OCRL: variants seen among roughly 807,000 people sequenced by gnomAD.
OCRL encodes inositol polyphosphate 5-phosphatase OCRL.
OCRL carries 8 observed loss-of-function variants against 78.9 expected under a neutral mutation model. That is an observed-to-expected ratio of 0.10 (90% confidence interval 0.06 to 0.18). The LOEUF (loss-of-function observed/expected upper bound fraction) is 0.18. Among genes scored for constraint, OCRL ranks in the 10% least tolerant of loss-of-function variants. The pLI is 1.00. For synonymous variants in OCRL, 240 were observed against 235.4 expected (o/e 1.02, Z -0.18); for missense variants, 454 against 696.7 (o/e 0.65, Z 3.92).
At chrX:129,555,454 A>G (rs1290525308) in intron 4 of OCRL, among the ~76,000 whole-genome samples, 2 of 111,925 alleles carry the variant, frequency 1.8e-5, no homozygotes, top group African/African-American at 6.5e-5. Context: ...AGCCTGGGCA[A>G]CAGAGCAAGA....
intron 15 of OCRL, among the ~76,000 whole-genome samples, chrX:129,572,633 G>A (rs1285854447): frequency 8.9e-6 from 1 of 112,566 alleles, no homozygotes; most frequent in Admixed American, 9.4e-5. Context: ...AAGACTTTCT[G>A]TGGGCTGGCT....
Position 129,575,891 on chromosome X carries a change from C to T in OCRL, c.1714-6C>T, listed in dbSNP as rs373290850. On this transcript the variant is annotated splice_region_variant and splice_polypyrimidine_tract_variant and intron_variant, in intron 16 of 23. Coordinates refer to ENST00000371113, the MANE Select transcript of OCRL (RefSeq NM_000276.4). ...TGCATGTTTGTGTCTGTCTGTTATTCCCCAGTTTGTGTTTGAAAATGTGAA... is the reference window on the plus strand; with the variant it reads ...TGCATGTTTGTGTCTGTCTGTTATTTCCCAGTTTGTGTTTGAAAATGTGAA... 6.6e-6 allele frequency: 8 copies of T among 1,209,955 alleles called. No homozygotes were observed. In the African/African-American group the frequency reaches 1.4e-4, roughly 21 times the overall value.
In OCRL at chrX:129,592,149, T is replaced by C. The variant is rs1399509718; in HGVS notation, c.*1879T>C. 3 of 113,676 alleles carry C rather than the reference T, an allele frequency of 2.6e-5. No individual in the cohort carries two copies. The highest frequency in any genetic ancestry group is 5.6e-5 in the Non-Finnish European group (3 of 53,304). 9.4% of individuals were successfully genotyped at this position (113,676 alleles called of 1,213,427 possible). A position where few individuals can be genotyped will look rare whatever the true frequency, so the allele number is the denominator to read the frequency against. On this transcript the variant is annotated 3_prime_UTR_variant, in exon 24 of 24. Coordinates refer to ENST00000371113, the MANE Select transcript of OCRL (RefSeq NM_000276.4). ...CCTTTTTTCAGCTCATCCTGGAACATATACAGAGTTGAGAGTTTTAGACAA... is the reference window on the plus strand; with the variant it reads ...CCTTTTTTCAGCTCATCCTGGAACACATACAGAGTTGAGAGTTTTAGACAA...
At chrX:129,588,626 C>T (rs1009904011) in intron 21 of OCRL, among the ~76,000 whole-genome samples, 2 of 111,921 alleles carry the variant, frequency 1.8e-5, no homozygotes, top group South Asian at 3.7e-4. Flanking sequence ...TAGGACTGCT[C>T]CAGTGTCAAC....
intron 14 of OCRL, 116 bp from the exon 15 acceptor site, chrX:129,569,148 T>C (rs59905334): frequency 1.2e-6 from 1 of 847,149 alleles, no homozygotes; most frequent in African/African-American, 2.0e-5. Flanking sequence ...GAAGGAGAAG[T>C]ACACGGTTCT....
At chrX:129,556,369 G>T (rs1180932795) in intron 4 of OCRL, among the ~76,000 whole-genome samples, 1 of 111,355 alleles carries the variant, frequency 9.0e-6, no homozygotes, top group African/African-American at 3.3e-5. Flanking sequence ...GGAAGCCTCT[G>T]AGTACCATAC....
Position 129,562,407 on chromosome X carries a change from G to A in OCRL, c.963G>A (p.Gly321=), listed in dbSNP as rs763484849. The change falls in exon 11 of 24, where the codon GGG becomes GGA. Residue 321 remains glycine, a synonymous_variant. Coordinates refer to ENST00000371113, the MANE Select transcript of OCRL (RefSeq NM_000276.4). ...AGGTTCAACTGGTGCGCCTTGTTGG[G>A]ATGATGCTTCTTATATTTGCCAGAA... The part of the protein sequence containing the change: ...YKKVQLVRLV[G]MMLLIFARKD... 4 of 1,210,609 alleles carry A rather than the reference G, an allele frequency of 3.3e-6. No individual in the cohort carries two copies. In the Admixed American group the frequency reaches 6.5e-5, roughly 20 times the overall value.
rs765471574 is a variant in OCRL, at chrX:129,583,711, CTT to C, written c.2116-627_2116-626del. Among the ~76,000 whole-genome samples, 73 of 111,300 alleles carry C rather than the reference CTT, an allele frequency of 6.6e-4. 1 individual carries two copies. The highest frequency in any genetic ancestry group is 1.1e-3 in the Admixed American group (11 of 10,472). Reference sequence around the variant, plus strand: ...ACCTTCTTACCTATCCCCTGCCTCTCTTTTTTTCTCTTATGCCCAATAGGAAA... The same window carrying C: ...ACCTTCTTACCTATCCCCTGCCTCTCTTTTTCTCTTATGCCCAATAGGAAA... On this transcript the variant is annotated intron_variant, in intron 18 of 23. Transcript: ENST00000371113.
In OCRL at chrX:129,578,545, A is replaced by G. The variant is rs139197230; in HGVS notation, c.2115+1993A>G. Reference sequence around the variant, plus strand: ...ATTTTTAGTCAGAGTCAGTGAAGATATTAGAATATCTTTGCCATTAATATG... The same window carrying G: ...ATTTTTAGTCAGAGTCAGTGAAGATGTTAGAATATCTTTGCCATTAATATG... On this transcript the variant is annotated intron_variant, in intron 18 of 23. Transcript: ENST00000371113. Among the ~76,000 whole-genome samples, 540 of 109,874 alleles carry G rather than the reference A, an allele frequency of 4.9e-3. 2 individuals carry two copies. The highest frequency in any genetic ancestry group is 0.015 in the African/African-American group (447 of 30,301).
chrX:129,549,515 T>C (rs1167158266), intron 4 of OCRL: 1 of 111,472 alleles, frequency 9.0e-6, no homozygotes, highest in East Asian at 2.8e-4. Context: ...TTTTCTGGCT[T>C]GAGTTTTTTT....
Position 129,576,530 on chromosome X carries a change from C to G in OCRL, c.2093C>G (p.Pro698Arg). Reference protein sequence around the residue: ...CRMKRPIREVPVTKLIDLEED... With the variant: ...CRMKRPIREVRVTKLIDLEED... Reference sequence around the variant, plus strand: ...ATGAAAAGACCAATCCGAGAAGTTCCTGTTACCAAACTCATAGACTTGGTA... The same window carrying G: ...ATGAAAAGACCAATCCGAGAAGTTCGTGTTACCAAACTCATAGACTTGGTA... Residue 698 changes from proline to arginine, a missense_variant, in exon 18 of 24, where the codon CCT becomes CGT. By Grantham distance (103) the Pro-to-Arg change is moderately radical. Around this residue, in one of 2 missense-constraint regions of OCRL, gnomAD observed 277 missense variants for 517.1 expected, o/e 0.54. Transcript: ENST00000371113. 1 of 1,204,896 alleles carries G rather than the reference C, an allele frequency of 8.3e-7. No individual in the cohort carries two copies.
intron 22 of OCRL, 69 bp from the exon 23 acceptor site, chrX:129,589,776 G>A: frequency 1.4e-6 from 1 of 726,038 alleles, no homozygotes; most frequent in Non-Finnish European, 2.2e-6. Context: ...TATTACAGCA[G>A]CTGTAAGTTC....
chrX:129,553,100 T>C (rs966243539), intron 4 of OCRL: 1 of 112,055 alleles, frequency 8.9e-6, no homozygotes, highest in African/African-American at 3.2e-5. Flanking sequence ...ATTTTTTAAA[T>C]GTTAGATAGA....
intron 2 of OCRL, 93 bp downstream of exon 2, chrX:129,540,916 A>T: frequency 6.9e-6 from 5 of 725,346 alleles, no homozygotes; most frequent in Non-Finnish European, 1.1e-5. Flanking sequence ...CTCCTACTGA[A>T]GCCACGCGGG....
rs1303868701 is a variant in OCRL at position 129,540,398 on chromosome X, G to C, written c.-42G>C. The C allele has an allele frequency of 1.8e-5, 21 of 1,146,877 alleles. No individual in the cohort carries two copies. The highest frequency in any genetic ancestry group is 2.2e-5 in the Non-Finnish European group (19 of 865,748). 94.5% of individuals were successfully genotyped at this position (1,146,877 alleles called of 1,213,427 possible). A position where few individuals can be genotyped will look rare whatever the true frequency, so the allele number is the denominator to read the frequency against. ...ACGCGGGAGCCAGTGTCGTCGGATC[G>C]GCCCGCAGTCCGCTGTCCTGCTGAG... On this transcript the variant is annotated 5_prime_UTR_variant, in exon 1 of 24. Transcript: ENST00000371113.
At chrX:129,580,181 A>G (rs1329349078) in intron 18 of OCRL, among the ~76,000 whole-genome samples, 1 of 112,608 alleles carries the variant, frequency 8.9e-6, no homozygotes, top group Non-Finnish European at 1.9e-5. Context: ...GTGAACTAGG[A>G]AGGTGATTTG....
intron 3 of OCRL, among the ~76,000 whole-genome samples, chrX:129,547,221 C>T (rs1179423728): frequency 9.1e-6 from 1 of 109,808 alleles, no homozygotes; most frequent in Non-Finnish European, 1.9e-5. Flanking sequence ...AGAGTGAGGC[C>T]ATCTCTAAAG....
At chrX:129,541,679 A>G (rs1472439428) in intron 2 of OCRL, among the ~76,000 whole-genome samples, 2 of 112,309 alleles carry the variant, frequency 1.8e-5, no homozygotes, top group African/African-American at 3.2e-5. Context: ...GCTTCTTGAC[A>G]TCATATTCCT....
Position 129,561,159 on chromosome X carries a change from C to T in OCRL, c.825-20C>T, listed in dbSNP as rs780282870. 3.9e-6 allele frequency: 4 copies of T among 1,022,500 alleles called. No individual in the cohort carries two copies. The Admixed American group carries it at 8.7e-5, about 22-fold the overall frequency. The allele number at this position is 1,022,500 out of a possible 1,213,427, so 84.3% of individuals were successfully genotyped here. On this transcript the variant is annotated intron_variant, in intron 9 of 23. Coordinates refer to ENST00000371113, the MANE Select transcript of OCRL (RefSeq NM_000276.4). ...ATAATTATGGGATATGTATAGATCT[C>T]ATATCCCTTTTTTCCTCAGATTCCA...
Sources: allele counts gnomAD v4.1 joint callset (sites outside exome capture counted in the v4.1 genomes callset), GRCh38; gene constraint gnomAD v4.1.1; regional missense constraint gnomAD v4.1.1; transcripts MANE v1.5; gene names NCBI Gene and HGNC (gene_info 2026-07-23, HGNC 2026-07-21).